The following EPB41L4A variants were observed in gnomAD, a reference collection of about 807,000 sequenced individuals.
EPB41L4A encodes erythrocyte membrane protein band 4.1 like 4A.
Under a neutral mutation model 108.6 loss-of-function variants are expected in EPB41L4A, and 100 were observed. That is an observed-to-expected ratio of 0.92 (90% CI 0.78 to 1.09). EPB41L4A has a LOEUF of 1.09. EPB41L4A is among the 50% of genes least tolerant of loss of function. The pLI, the probability that EPB41L4A is intolerant of heterozygous loss-of-function variation, is 0.00. For missense variants in EPB41L4A, 1,030 were observed against 842.7 expected, an observed-to-expected ratio of 1.22 and a Z score of -2.75; for synonymous variants, 319 against 289.0, an observed-to-expected ratio of 1.10 and a Z score of -1.05.
At chr5:112,288,278 T>C (rs949598844) in intron 2 of EPB41L4A, among the ~76,000 whole-genome samples, 1 of 152,188 alleles carries the variant, frequency 6.6e-6, no homozygotes, top group Non-Finnish European at 1.5e-5. Context: ...TGCCTTTGTC[T>C]AATAAAGTTA....
chr5:112,166,838 A>T (rs1367812272), intron 22 of EPB41L4A, among the ~76,000 whole-genome samples: 1 of 152,232 alleles, frequency 6.6e-6, no homozygotes, highest in Non-Finnish European at 1.5e-5. Flanking sequence ...TCTGGGCTGT[A>T]CAAAGGCAGC....
chr5:112,413,061 G>A (rs1762501631), intron 1 of EPB41L4A, among the ~76,000 whole-genome samples: 1 of 152,110 alleles, frequency 6.6e-6, no homozygotes, highest in African/African-American at 2.4e-5. Context: ...CAACCAACAT[G>A]GTTCTCAGTT....
intron 9 of EPB41L4A, among the ~76,000 whole-genome samples, chr5:112,242,118 G>C (rs1749835325): frequency 6.6e-6 from 1 of 152,148 alleles, no homozygotes; most frequent in Admixed American, 6.5e-5. Flanking sequence ...TTCTTAAAAT[G>C]AGACAACAAT....
At chr5:112,310,747 A>T (rs1448085899) in intron 1 of EPB41L4A, among the ~76,000 whole-genome samples, 2 of 152,092 alleles carry the variant, frequency 1.3e-5, no homozygotes, top group Non-Finnish European at 2.9e-5. Flanking sequence ...CTGGGTACAT[A>T]TCAAACCTTC....
intron 4 of EPB41L4A, 65 bp downstream of exon 4, chr5:112,275,260 GT>G: frequency 6.8e-7 from 1 of 1,474,030 alleles, no homozygotes; most frequent in East Asian, 2.6e-5. Flanking sequence ...ATTTTAATTT[GT>G]TTTAAATAAA....
At chr5:112,217,846 A>T (rs1478090374) in intron 12 of EPB41L4A, among the ~76,000 whole-genome samples, 1 of 152,182 alleles carries the variant, frequency 6.6e-6, no homozygotes, top group Non-Finnish European at 1.5e-5. Context: ...TGGAGGGTAG[A>T]TTATAAGGAA....
At chr5:112,341,199 C>T (rs916511637) in intron 1 of EPB41L4A, among the ~76,000 whole-genome samples, 4 of 152,098 alleles carry the variant, frequency 2.6e-5, no homozygotes, top group African/African-American at 7.2e-5. Flanking sequence ...TTGCTCTGTC[C>T]CCTGAGCCTG....
chr5:112,207,604 T>C (rs191240333), intron 13 of EPB41L4A, among the ~76,000 whole-genome samples: 9 of 152,158 alleles, frequency 5.9e-5, no homozygotes, highest in Admixed American at 5.2e-4. Flanking sequence ...CATTAAAAAA[T>C]GGGCAAAGGA....
At chr5:112,166,950 G>A (rs530752017) in intron 22 of EPB41L4A, among the ~76,000 whole-genome samples, 1 of 152,314 alleles carries the variant, frequency 6.6e-6, no homozygotes, top group South Asian at 2.1e-4. Context: ...TCAAAATCAA[G>A]AGTGTCCTGG....
Position 112,164,134 on chromosome 5 carries a change from A to G in EPB41L4A, c.*856T>C, listed in dbSNP as rs758007683. 2 of 152,252 alleles carry G rather than the reference A, an allele frequency of 1.3e-5. No individual in the cohort carries two copies. Among genetic ancestry groups the G allele is most frequent in the Non-Finnish European group, 2.9e-5 (2 of 68,052 alleles). 9.4% of individuals were successfully genotyped at this position (152,252 alleles called of 1,614,324 possible). ...GACAGATCAACTGAGATCCACTTAC[A>G]CTTCTGAAAACGCAAGAACACTTTA... On this transcript the variant is annotated 3_prime_UTR_variant, in exon 23 of 23. Coordinates refer to ENST00000261486, the MANE Select transcript of EPB41L4A (RefSeq NM_022140.5).
At chr5:112,407,602 G>A (rs1171404450) in intron 1 of EPB41L4A, among the ~76,000 whole-genome samples, 1 of 152,140 alleles carries the variant, frequency 6.6e-6, no homozygotes, top group Non-Finnish European at 1.5e-5. Context: ...ATCTTCACCT[G>A]TCAAACCTAC....
intron 12 of EPB41L4A, among the ~76,000 whole-genome samples, chr5:112,212,109 T>G (rs187773511): frequency 1.3e-5 from 2 of 152,296 alleles, no homozygotes; most frequent in Admixed American, 6.5e-5. Flanking sequence ...TTAGTCAATT[T>G]TGCCATAACC....
At chr5:112,162,270 T>C (rs936586641), downstream of EPB41L4A, 2 of 152,218 alleles carry the variant, frequency 1.3e-5, no homozygotes, top group African/African-American at 4.8e-5. Flanking sequence ...TAAATACACA[T>C]TTAAGACAGT....
At chr5:112,232,940 C>T (rs776978686) in intron 12 of EPB41L4A, among the ~76,000 whole-genome samples, 2 of 152,082 alleles carry the variant, frequency 1.3e-5, no homozygotes, top group Non-Finnish European at 2.9e-5. Flanking sequence ...CACAAACTAA[C>T]GTCAGCAATA....
At chr5:112,194,995 C>A (rs1410363139) in intron 16 of EPB41L4A, among the ~76,000 whole-genome samples, 1 of 152,094 alleles carries the variant, frequency 6.6e-6, no homozygotes, top group East Asian at 1.9e-4. Context: ...AATCTTGTAA[C>A]CCTCCCATCC....
intron 1 of EPB41L4A, among the ~76,000 whole-genome samples, chr5:112,403,016 A>C (rs1353819483): frequency 1.3e-5 from 2 of 151,756 alleles, no homozygotes; most frequent in African/African-American, 4.9e-5. Context: ...ACACACACAC[A>C]CACAAAACCC....
intron 17 of EPB41L4A, among the ~76,000 whole-genome samples, chr5:112,184,743 G>A (rs947230162): frequency 6.6e-6 from 1 of 152,184 alleles, no homozygotes; most frequent in Admixed American, 6.5e-5. Context: ...TGTGGGCAGG[G>A]AAGGAATGAA....
chr5:112,252,781 C>A (rs944656237), intron 9 of EPB41L4A, among the ~76,000 whole-genome samples: 1 of 151,902 alleles, frequency 6.6e-6, no homozygotes, highest in Admixed American at 6.6e-5. Flanking sequence ...CCCCAAGCCT[C>A]ACCGTCACAC....
At chr5:112,221,754 A>G (rs1044840682) in intron 12 of EPB41L4A, among the ~76,000 whole-genome samples, 3 of 152,210 alleles carry the variant, frequency 2.0e-5, no homozygotes, top group African/African-American at 7.2e-5. Flanking sequence ...GGTGTCATTT[A>G]TGGTAACTCA....
Sources: allele counts gnomAD v4.1 joint callset (sites outside exome capture counted in the v4.1 genomes callset), GRCh38; gene constraint gnomAD v4.1.1; transcripts MANE v1.5; gene names NCBI Gene and HGNC (gene_info 2026-07-23, HGNC 2026-07-21).